CFAP44: variants seen among roughly 807,000 people sequenced by gnomAD.
CFAP44 encodes cilia and flagella associated protein 44, also known as cilia- and flagella-associated protein 44.
In CFAP44, 134 loss-of-function variants were observed where a neutral mutation model predicts 216.2. That is an observed-to-expected ratio of 0.62 (90% confidence interval 0.54 to 0.72). CFAP44 has a LOEUF of 0.72. CFAP44 is among the 30% of genes least tolerant of loss of function. The pLI is 0.00. For synonymous variants in CFAP44, 700 were observed against 727.6 expected, an observed-to-expected ratio of 0.96 and a Z score of 0.61; for missense variants, 2,035 against 2,182.1, an observed-to-expected ratio of 0.93 and a Z score of 1.34.
intron 21 of CFAP44, chr3:113,360,493 G>T: frequency 4.4e-6 from 1 of 228,314 alleles, no homozygotes. Context: ...CATGAGTTTG[G>T]TAGAATAAGT....
chr3:113,356,938 T>C (rs1037225716), intron 22 of CFAP44, among the ~76,000 whole-genome samples: 2 of 151,158 alleles, frequency 1.3e-5, no homozygotes, highest in African/African-American at 2.5e-5. Flanking sequence ...CATACATACA[T>C]GTCATATACG....
chr3:113,400,429 G>GA (rs1214699556), intron 12 of CFAP44, 116 bp downstream of exon 12: 2 of 847,922 alleles, frequency 2.4e-6, no homozygotes, highest in African/African-American at 3.5e-5. Flanking sequence ...TTGCATTCAA[G>GA]AGGCTCCCCT....
intron 21 of CFAP44, chr3:113,362,778 C>T: frequency 1.7e-6 from 1 of 585,430 alleles, no homozygotes; most frequent in Non-Finnish European, 2.3e-6. Flanking sequence ...CCAACGAAGC[C>T]AGCCACCGGA....
intron 15 of CFAP44, among the ~76,000 whole-genome samples, chr3:113,381,632 C>A (rs1444453642): frequency 6.6e-6 from 1 of 152,198 alleles, no homozygotes; most frequent in African/African-American, 2.4e-5. Context: ...ATCTCTCCAG[C>A]CCAGACCTGT....
intron 22 of CFAP44, among the ~76,000 whole-genome samples, chr3:113,347,872 G>C (rs1950402603): frequency 6.6e-6 from 1 of 152,142 alleles, no homozygotes; most frequent in Non-Finnish European, 1.5e-5. Flanking sequence ...GAATGCCTAG[G>C]ACTCTAACAG....
At chr3:113,432,668 C>CA (rs1364079731) in intron 2 of CFAP44, among the ~76,000 whole-genome samples, 1 of 152,102 alleles carries the variant, frequency 6.6e-6, no homozygotes, top group Non-Finnish European at 1.5e-5. Context: ...AATCAAAGCA[C>CA]AAAAAAACTA....
intron 24 of CFAP44, among the ~76,000 whole-genome samples, chr3:113,338,214 A>C (rs1418555830): frequency 2.4e-5 from 3 of 127,430 alleles, no homozygotes; most frequent in Non-Finnish European, 4.7e-5. Flanking sequence ...CTGAGATTGC[A>C]CCACTGCATG....
intron 26 of CFAP44, 68 bp from the exon 27 acceptor site, chr3:113,327,887 A>G: frequency 7.2e-7 from 1 of 1,395,786 alleles, no homozygotes; most frequent in Non-Finnish European, 9.6e-7. Flanking sequence ...ACTATCTAAC[A>G]GTACTAATTT....
intron 28 of CFAP44, among the ~76,000 whole-genome samples, chr3:113,313,094 G>T (rs894441293): frequency 2.0e-5 from 3 of 152,138 alleles, no homozygotes; most frequent in Admixed American, 2.0e-4. Context: ...ACCTGGAAAA[G>T]CCGCAGACGC....
At chr3:113,374,263 T>C (rs958466622) in intron 17 of CFAP44, among the ~76,000 whole-genome samples, 1 of 152,034 alleles carries the variant, frequency 6.6e-6, no homozygotes, top group Non-Finnish European at 1.5e-5. Flanking sequence ...TTTGAAGGCA[T>C]TGGCAAGCTA....
At chr3:113,308,083 ACC>A in intron 29 of CFAP44, 73 bp downstream of exon 29, 1 of 1,184,300 alleles carries the variant, frequency 8.4e-7, no homozygotes, top group African/African-American at 1.5e-5. Context: ...GCACAGAGAA[ACC>A]AAAAAGGGTC....
intron 18 of CFAP44, among the ~76,000 whole-genome samples, chr3:113,369,190 C>A (rs1159887699): frequency 1.3e-5 from 2 of 152,158 alleles, no homozygotes; most frequent in African/African-American, 4.8e-5. Context: ...AGAAGGTTAA[C>A]AACGATATCC....
intron 25 of CFAP44, among the ~76,000 whole-genome samples, chr3:113,332,346 A>G (rs897642387): frequency 2.6e-5 from 4 of 152,224 alleles, no homozygotes; most frequent in Admixed American, 2.6e-4. Flanking sequence ...GGATTTGTGA[A>G]TATGAATTGC....
At position 113,407,049 on chromosome 3, in the gene CFAP44, CAAGA is replaced by C. The variant is rs1934304563; in HGVS notation, c.891-12_891-9del. ...AAAGCCATTTCCCAGAACCTACAAACAAGAAAGAGACTGAATGTACCTCAAAGAT... is the reference window on the plus strand; with the variant it reads ...AAAGCCATTTCCCAGAACCTACAAACAAGAGACTGAATGTACCTCAAAGAT... On this transcript the variant is annotated splice_polypyrimidine_tract_variant and intron_variant, in intron 7 of 34. Transcript: ENST00000393845. 3.1e-6 allele frequency: 5 copies of C among 1,600,110 alleles called. No homozygotes were observed. The highest frequency in any genetic ancestry group is 4.3e-6 in the Non-Finnish European group (5 of 1,167,440).
intron 6 of CFAP44, among the ~76,000 whole-genome samples, chr3:113,411,504 T>A (rs1214226158): frequency 1.3e-5 from 2 of 152,236 alleles, no homozygotes; most frequent in African/African-American, 4.8e-5. Context: ...CATTGGTCTA[T>A]ATATCTGTTT....
At chr3:113,291,835 C>A in intron 34 of CFAP44, 87 bp from the exon 35 acceptor site, 1 of 1,407,596 alleles carries the variant, frequency 7.1e-7, no homozygotes, top group Non-Finnish European at 9.5e-7. Context: ...GTGATGAGTG[C>A]TGGCCTGACA....
At position 113,327,604 on chromosome 3, in the gene CFAP44, G is replaced by C; in HGVS notation, c.4320+12C>G. 1 of 1,531,132 alleles carries C rather than the reference G, an allele frequency of 6.5e-7. No homozygotes were observed. The highest frequency in any genetic ancestry group is 8.7e-7 in the Non-Finnish European group (1 of 1,142,928). 94.8% of individuals were successfully genotyped at this position (1,531,132 alleles called of 1,614,324 possible). ...GGGACCAGCCAGCTAGGATTCTTCT[G>C]CCCACTCATACTTGCATGTACTGTT... On this transcript the variant is annotated intron_variant, in intron 27 of 34. Coordinates refer to ENST00000393845, the MANE Select transcript of CFAP44 (RefSeq NM_001164496.2).
intron 21 of CFAP44, among the ~76,000 whole-genome samples, chr3:113,359,164 G>A (rs572466645): frequency 2.6e-5 from 4 of 152,200 alleles, no homozygotes; most frequent in South Asian, 2.1e-4. Flanking sequence ...TTTTAAAGAC[G>A]CTATCTCAAA....
intron 1 of CFAP44, among the ~76,000 whole-genome samples, chr3:113,441,219 G>T (rs1935354813): frequency 6.6e-6 from 1 of 152,224 alleles, no homozygotes; most frequent in Admixed American, 6.5e-5. Flanking sequence ...TGCCTGGCTG[G>T]CTTCCGCCCG....
Sources: allele counts gnomAD v4.1 joint callset (sites outside exome capture counted in the v4.1 genomes callset), GRCh38; gene constraint gnomAD v4.1.1; transcripts MANE v1.5; gene names NCBI Gene and HGNC (gene_info 2026-07-23, HGNC 2026-07-21).